Variants in TRPM1 observed in about 807,000 individuals in gnomAD.
TRPM1 encodes the protein transient receptor potential cation channel subfamily M member 1, also known as TRPM1-203 APA Isoform, Intron 10.
In TRPM1, 113 loss-of-function variants were observed where a neutral mutation model predicts 149.4. The observed-to-expected ratio is 0.76, with a 90% CI of 0.65 to 0.88. The LOEUF (loss-of-function observed/expected upper bound fraction) is 0.88, where lower values mean the gene tolerates loss of function less well. Ranked by LOEUF, TRPM1 falls within the 40% of genes least tolerant of loss-of-function variation. The probability of loss-of-function intolerance (pLI) is 0.00; values close to 1 mark genes in which losing one functional copy is unlikely to be tolerated. For missense variants in TRPM1, 1,976 were observed against 2,038.7 expected (o/e 0.97, Z 0.59); for synonymous variants, 741 against 759.5 (o/e 0.98, Z 0.40).
chr15:31,062,450 T>G lies in TRPM1; in HGVS notation c.1089+129A>C, dbSNP rs994084243. 4.8e-6 allele frequency: 6 copies of G among 1,240,376 alleles called. No homozygotes were observed. The Admixed American group carries it at 5.5e-5, about 11-fold the overall frequency. 76.8% of individuals were successfully genotyped at this position (1,240,376 alleles called of 1,614,324 possible). A position where few individuals can be genotyped will look rare whatever the true frequency, so the allele number is the denominator to read the frequency against. ...ACACAGCCACCAATTTGGTATGCAT[T>G]TGTACTGTCTCTCAGAAAAGGCCGG... On this transcript the variant is annotated intron_variant, in intron 9 of 27. Transcript: ENST00000256552.
intron 1 of TRPM1, among the ~76,000 whole-genome samples, chr15:31,093,987 G>C (rs2035310522): frequency 6.6e-6 from 1 of 152,208 alleles, no homozygotes; most frequent in Non-Finnish European, 1.5e-5. Flanking sequence ...AATCAAAGAA[G>C]TATGGTACTA....
chr15:31,125,243 G>A (rs77672492), intron 1 of TRPM1, among the ~76,000 whole-genome samples: 2,826 of 152,186 alleles, frequency 0.019, 82 homozygotes, highest in African/African-American at 0.064. Flanking sequence ...AAATTACAAT[G>A]TAAACTCTGG....
intron 14 of TRPM1, 95 bp from the exon 15 acceptor site, chr15:31,047,346 A>G: frequency 7.1e-7 from 1 of 1,406,756 alleles, no homozygotes; most frequent in East Asian, 2.3e-5. Flanking sequence ...CCTGGCCCCC[A>G]CTTGGGAGTT....
chr15:31,118,010 C>T (rs971480801), intron 1 of TRPM1, among the ~76,000 whole-genome samples: 1 of 152,182 alleles, frequency 6.6e-6, no homozygotes, highest in Non-Finnish European at 1.5e-5. Flanking sequence ...CCTGTAATCC[C>T]AGCACTTTGG....
At chr15:31,127,734 G>A (rs930318092) in intron 1 of TRPM1, among the ~76,000 whole-genome samples, 1 of 152,158 alleles carries the variant, frequency 6.6e-6, no homozygotes, top group Non-Finnish European at 1.5e-5. Context: ...GGGTGGAAGG[G>A]GTGGAGGGTG....
intron 20 of TRPM1, among the ~76,000 whole-genome samples, chr15:31,036,772 C>T (rs1040930395): frequency 1.3e-5 from 2 of 152,222 alleles, no homozygotes; most frequent in Non-Finnish European, 2.9e-5. Context: ...GCAGCAGTGA[C>T]TTCGACTGTA....
chr15:31,028,295 AAAT>A, intron 25 of TRPM1, 34 bp downstream of exon 25: 1 of 1,613,516 alleles, frequency 6.2e-7, no homozygotes, highest in Non-Finnish European at 8.5e-7. Context: ...GTACAGTAAT[AAAT>A]AATAAGCATG....
chr15:31,117,302 A>T (rs918493035), intron 1 of TRPM1, among the ~76,000 whole-genome samples: 1 of 152,128 alleles, frequency 6.6e-6, no homozygotes, highest in African/African-American at 2.4e-5. Flanking sequence ...CCTGGCCAAC[A>T]TGGCGAAACC....
Position 31,081,401 on chromosome 15 carries a change from T to C in TRPM1, c.-46A>G. The C allele has an allele frequency of 6.5e-7, 1 of 1,535,086 alleles. No individual in the cohort carries two copies. Among genetic ancestry groups the C allele is most frequent in the Non-Finnish European group, 8.7e-7 (1 of 1,146,594 alleles). ...TAAGGAAATAGCCTCAGTCCAGCACTGCAAGTTACTGCTGAGTCCTCAGAA... is the reference window on the plus strand; with the variant it reads ...TAAGGAAATAGCCTCAGTCCAGCACCGCAAGTTACTGCTGAGTCCTCAGAA... On this transcript the variant is annotated 5_prime_UTR_variant, in exon 2 of 28. Transcript: ENST00000256552.
At chr15:31,087,048 T>C (rs949682690) in intron 1 of TRPM1, among the ~76,000 whole-genome samples, 2 of 151,934 alleles carry the variant, frequency 1.3e-5, no homozygotes, top group Non-Finnish European at 2.9e-5. Flanking sequence ...CCCATTAGGA[T>C]GGATACTCTG....
At chr15:31,136,085 T>A (rs2036084706) in intron 1 of TRPM1, among the ~76,000 whole-genome samples, 1 of 151,974 alleles carries the variant, frequency 6.6e-6, no homozygotes, top group African/African-American at 2.4e-5. Flanking sequence ...TTGGTCTGTG[T>A]GTGTAGAACT....
At chr15:31,015,621 C>T (rs527558760) in intron 27 of TRPM1, among the ~76,000 whole-genome samples, 3 of 152,238 alleles carry the variant, frequency 2.0e-5, no homozygotes, top group Non-Finnish European at 4.4e-5. Context: ...AAGATAAAAA[C>T]ACAATTTCAT....
At chr15:31,116,667 A>G (rs1424435839) in intron 1 of TRPM1, among the ~76,000 whole-genome samples, 1 of 151,902 alleles carries the variant, frequency 6.6e-6, no homozygotes, top group East Asian at 1.9e-4. Context: ...CCTTACCGGC[A>G]TCACCAGAGG....
upstream of TRPM1, among the ~76,000 whole-genome samples, chr15:31,105,299 A>G (rs1292972393): frequency 6.6e-6 from 1 of 152,152 alleles, no homozygotes; most frequent in Non-Finnish European, 1.5e-5. Flanking sequence ...TTCTTGCCGC[A>G]GATCTAGGCT....
rs1486622208 is a variant in TRPM1 at position 31,066,239 on chromosome 15, T to A, written c.627A>T (p.Arg209Ser). The A allele has an allele frequency of 6.2e-7, 1 of 1,614,008 alleles. No homozygotes were observed. Among genetic ancestry groups the A allele is most frequent in the African/African-American group, 1.3e-5 (1 of 74,896 alleles). ...GAGGGTTGGACATGGTCTGGTACACTCTTGTTACCTGACAAAGTGCACAGC... is the reference window on the plus strand; with the variant it reads ...GAGGGTTGGACATGGTCTGGTACACACTTGTTACCTGACAAAGTGCACAGC... ...KEDLVGKDVTRVYQTMSNPLS... is the reference protein window; with the variant it reads ...KEDLVGKDVTSVYQTMSNPLS... The change falls in exon 7 of 28, where the codon AGA (arginine) becomes AGT (serine). Residue 209 changes from arginine to serine, a missense_variant. Around this residue, in one of 3 missense-constraint regions of TRPM1, gnomAD observed 1,332 missense variants for 1,347.1 expected, o/e 0.99. Transcript: ENST00000256552.
chr15:31,056,650 T>C (rs1415517152), intron 11 of TRPM1, among the ~76,000 whole-genome samples: 1 of 152,154 alleles, frequency 6.6e-6, no homozygotes, highest in African/African-American at 2.4e-5. Context: ...CCTTTAAAAT[T>C]GTTTAGGTTA....
At chr15:31,139,561 G>A (rs183871949) in intron 1 of TRPM1, among the ~76,000 whole-genome samples, 1 of 152,298 alleles carries the variant, frequency 6.6e-6, no homozygotes, top group Non-Finnish European at 1.5e-5. Context: ...GAAAAAGTTA[G>A]CACTTAAATA....
At chr15:31,131,206 G>C (rs917466024) in intron 1 of TRPM1, among the ~76,000 whole-genome samples, 1 of 151,166 alleles carries the variant, frequency 6.6e-6, no homozygotes, top group African/African-American at 2.5e-5. Flanking sequence ...CAGCCACTTA[G>C]AGCGACTGTT....
At chr15:31,041,836 A>T in intron 17 of TRPM1, 115 bp downstream of exon 17, 4 of 1,170,518 alleles carry the variant, frequency 3.4e-6, no homozygotes, top group Non-Finnish European at 5.0e-6. Context: ...ATTTGTGAAC[A>T]AGCTTTAACC....
Sources: gnomAD v4.1 joint callset for allele counts (sites outside exome capture counted in the v4.1 genomes callset) on GRCh38, gnomAD v4.1.1 for gene constraint, gnomAD v4.1.1 regional missense constraint, MANE v1.5 for transcripts, NCBI Gene and HGNC (gene_info 2026-07-23, HGNC 2026-07-21) for gene names.